PRRC2B: variants seen among roughly 807,000 people sequenced by gnomAD.
PRRC2B encodes the protein protein PRRC2B.
A neutral mutation model predicts 242.3 loss-of-function variants in PRRC2B; 68 were observed. The observed-to-expected ratio is 0.28, with a 90% CI of 0.23 to 0.34. PRRC2B has a LOEUF of 0.34. Ranked by LOEUF, PRRC2B falls within the 10% of genes least tolerant of loss-of-function variation. The pLI is 1.00. For synonymous variants in PRRC2B, 1,228 were observed against 1,173.6 expected, an observed-to-expected ratio of 1.05 and a Z score of -0.95; for missense variants, 2,835 against 2,954.8, an observed-to-expected ratio of 0.96 and a Z score of 0.94.
intron 29 of PRRC2B, 30 bp downstream of exon 29, chr9:131,491,610 A>AG: frequency 6.3e-7 from 1 of 1,578,828 alleles, no homozygotes; most frequent in Admixed American, 1.8e-5. Flanking sequence ...CTCTGACCCT[A>AG]GGGAGGGGGC....
rs112219159 is a variant in PRRC2B, at chr9:131,451,137, C to T, written c.1120+3333C>T. Reference sequence around the variant, plus strand: ...AGCTGAGGCCGGGCGCAGTGGCTCACGCCTGTAATCCCACCACTTTGGGAG... The same window carrying T: ...AGCTGAGGCCGGGCGCAGTGGCTCATGCCTGTAATCCCACCACTTTGGGAG... On this transcript the variant is annotated intron_variant, in intron 9 of 31. Coordinates refer to ENST00000683519, the MANE Select transcript of PRRC2B (RefSeq NM_013318.4). Among the ~76,000 whole-genome samples the T allele has an allele frequency of 6.6e-3, 1,010 of 152,320 alleles. 11 individuals carry two copies. Among genetic ancestry groups the T allele is most frequent in the African/African-American group, 0.021 (891 of 41,566 alleles).
intron 28 of PRRC2B, among the ~76,000 whole-genome samples, chr9:131,489,171 C>T (rs2131477495): frequency 6.6e-6 from 1 of 151,656 alleles, no homozygotes; most frequent in East Asian, 1.9e-4. Flanking sequence ...TCTAGTGACC[C>T]AACTCCAAAA....
At chr9:131,430,060 C>CTTTTTTTTTTTTTTTTTTTTT (rs112930686) in intron 1 of PRRC2B, 34 bp from the exon 2 acceptor site, 1 of 439,990 alleles carries the variant, frequency 2.3e-6, no homozygotes. Context: ...TTTTCTCTCT[C>CTTTTTTTTTTTTTTTTTTTTT]TTTTTTTTTT....
intron 13 of PRRC2B, among the ~76,000 whole-genome samples, chr9:131,468,928 G>T (rs1943466849): frequency 6.6e-6 from 1 of 152,144 alleles, no homozygotes. Flanking sequence ...TGTTCTTGGG[G>T]TATAGAATTA....
At chr9:131,445,932 T>G (rs997890359) in intron 6 of PRRC2B, among the ~76,000 whole-genome samples, 2 of 152,228 alleles carry the variant, frequency 1.3e-5, no homozygotes, top group Non-Finnish European at 2.9e-5. Flanking sequence ...GCCTGTCTTG[T>G]GGGCTGGGGG....
chr9:131,435,664 A>G (rs760473283), intron 3 of PRRC2B, among the ~76,000 whole-genome samples: 1 of 151,820 alleles, frequency 6.6e-6, no homozygotes, highest in South Asian at 2.1e-4. Context: ...TTGCAGTTGT[A>G]TCTGTAAGGG....
Position 131,484,746 on chromosome 9 carries a change from G to T in PRRC2B, c.5521G>T (p.Gly1841Cys), listed in dbSNP as rs747207423. The T allele has an allele frequency of 6.2e-7, 1 of 1,612,778 alleles. No homozygotes were observed. Among genetic ancestry groups the T allele is most frequent in the Admixed American group, 1.7e-5 (1 of 59,860 alleles). The change falls in exon 24 of 32, where the codon GGT becomes TGT. Residue 1841 changes from glycine (G) to cysteine (C), a missense_variant. Coordinates refer to ENST00000683519, the MANE Select transcript of PRRC2B (RefSeq NM_013318.4). ...RRDHHIQRAI[G>C]LSPMSFPTAD... ...GGACCATCACATCCAGAGGGCCATC[G>T]GTCTCTCCCCAATGTCCTTCCCCAC...
chr9:131,381,775 T>C (rs980047609), intron 1 of PRRC2B, among the ~76,000 whole-genome samples: 3 of 152,196 alleles, frequency 2.0e-5, no homozygotes, highest in African/African-American at 2.4e-5. Context: ...AGTCTCGCTC[T>C]GTCCCCCAGG....
Position 131,446,327 on chromosome 9 carries a change from A to T in PRRC2B, c.614-74A>T. On this transcript the variant is annotated intron_variant, in intron 6 of 31. Transcript: ENST00000683519. The surrounding 1 kb of genome is among the most constrained non-coding windows in gnomAD (Gnocchi z 4.1). ...TTTTGGTGAAGGAGGGGGTCCCTTG[A>T]CCTTCAGAACCTCATACGATCCCTC... is the stretch of plus-strand genomic sequence containing the variant. 6.5e-7 allele frequency: 1 copy of T among 1,536,274 alleles called. No individual in the cohort carries two copies. The highest frequency in any genetic ancestry group is 1.9e-5 in the Admixed American group (1 of 51,782).
chr9:131,418,530 G>T (rs541863306), intron 1 of PRRC2B, among the ~76,000 whole-genome samples: 1 of 152,182 alleles, frequency 6.6e-6, no homozygotes, highest in Non-Finnish European at 1.5e-5. Context: ...TTTCTCCTGG[G>T]CTGAAGGAAG....
chr9:131,487,416 G>A lies in PRRC2B; in HGVS notation c.5984+122G>A, dbSNP rs1944057094. 1 of 829,322 alleles carries A rather than the reference G, an allele frequency of 1.2e-6. No individual in the cohort carries two copies. The highest frequency in any genetic ancestry group is 1.8e-6 in the Non-Finnish European group (1 of 553,892). 51.4% of individuals were successfully genotyped at this position (829,322 alleles called of 1,614,324 possible). A position where few individuals can be genotyped will look rare whatever the true frequency, so the allele number is the denominator to read the frequency against. Reference sequence around the variant, plus strand: ...CTTTGGGGCCAGTGGGGCGGGGAGGGGTGGGAGTTTGCTCTGAATCACTCT... The same window carrying A: ...CTTTGGGGCCAGTGGGGCGGGGAGGAGTGGGAGTTTGCTCTGAATCACTCT... On this transcript the variant is annotated intron_variant, in intron 27 of 31. Transcript: ENST00000683519. This position sits in a 1 kb window ranked among gnomAD's most constrained non-coding sequence, Gnocchi z 5.3.
chr9:131,496,435 G>A lies in PRRC2B; in HGVS notation c.*561G>A, dbSNP rs1008791660. 6.5e-6 allele frequency: 1 copy of A among 153,010 alleles called. No homozygotes were observed. Among genetic ancestry groups the A allele is most frequent in the Non-Finnish European group, 1.5e-5 (1 of 68,626 alleles). The allele number at this position is 153,010 out of a possible 1,614,324, so 9.5% of individuals were successfully genotyped here. Reference sequence around the variant, plus strand: ...CTCTAGCCTCTGTCCTGTTTAGTTTGATACGTCACTGCAGTACCTTAAGAG... The same window carrying A: ...CTCTAGCCTCTGTCCTGTTTAGTTTAATACGTCACTGCAGTACCTTAAGAG... On this transcript the variant is annotated 3_prime_UTR_variant, in exon 32 of 32. Transcript: ENST00000683519.
intron 1 of PRRC2B, among the ~76,000 whole-genome samples, chr9:131,413,410 G>A (rs916738501): frequency 1.3e-5 from 2 of 152,200 alleles, no homozygotes; most frequent in East Asian, 1.9e-4. Context: ...AACTGCTAGC[G>A]ACTGTACCCT....
intron 1 of PRRC2B, among the ~76,000 whole-genome samples, chr9:131,395,028 CTG>C (rs1471227899): frequency 5.3e-5 from 8 of 151,150 alleles, no homozygotes; most frequent in African/African-American, 1.5e-4. Context: ...CCTGTTGAAA[CTG>C]TGGGCCTCTG....
Position 131,476,014 on chromosome 9 carries a change from G to C in PRRC2B, c.3885G>C (p.Glu1295Asp). Residue 1295 changes from glutamate (E) to aspartate (D), a missense_variant, in exon 16 of 32, where the codon GAG (glutamate) becomes GAC (aspartate). Coordinates refer to ENST00000683519, the MANE Select transcript of PRRC2B (RefSeq NM_013318.4). ...DEHVADSENA[E>D]NRPFRRRRPP... ...ACGTGGCAGATTCTGAAAATGCAGA[G>C]AACCGGCCCTTCAGGAGAAGGCGCC... 1 of 1,606,900 alleles carries C rather than the reference G, an allele frequency of 6.2e-7. No individual in the cohort carries two copies. Among genetic ancestry groups the C allele is most frequent in the Non-Finnish European group, 8.5e-7 (1 of 1,174,864 alleles).
chr9:131,391,313 C>G (rs899120875), upstream of PRRC2B, among the ~76,000 whole-genome samples: 2 of 151,928 alleles, frequency 1.3e-5, no homozygotes, highest in Non-Finnish European at 2.9e-5. Context: ...CATTTCTGGG[C>G]GTGAGGTCCT....
At chr9:131,426,794 C>G (rs373175400) in intron 1 of PRRC2B, among the ~76,000 whole-genome samples, 1 of 152,212 alleles carries the variant, frequency 6.6e-6, no homozygotes, top group African/African-American at 2.4e-5. Context: ...GACTCTCTTA[C>G]GCCCTCTAGT....
At chr9:131,477,461 C>T (rs1017620600) in intron 16 of PRRC2B, among the ~76,000 whole-genome samples, 2 of 152,172 alleles carry the variant, frequency 1.3e-5, no homozygotes, top group African/African-American at 2.4e-5. Flanking sequence ...GAGCATATTC[C>T]CCTTGTCTCT....
intron 9 of PRRC2B, among the ~76,000 whole-genome samples, chr9:131,452,077 AG>A (rs1942938370): frequency 6.9e-6 from 1 of 145,790 alleles, no homozygotes; most frequent in Non-Finnish European, 1.5e-5. Context: ...ACTTTCCTAA[AG>A]AATAAGATTG....
Sources: allele counts gnomAD v4.1 joint callset (sites outside exome capture counted in the v4.1 genomes callset), GRCh38; gene constraint gnomAD v4.1.1; non-coding constraint Gnocchi (gnomAD v3.1); transcripts MANE v1.5; gene names NCBI Gene and HGNC (gene_info 2026-07-23, HGNC 2026-07-21).